The following CHCHD3 variants were observed in gnomAD, a reference collection of about 807,000 sequenced individuals.
The protein encoded by CHCHD3 is MICOS complex subunit MIC19.
In CHCHD3, 20 loss-of-function variants were observed where a neutral mutation model predicts 38.2. The ratio of observed to expected loss-of-function variants is 0.52; its 90% CI spans 0.37 to 0.76. The LOEUF is 0.76. CHCHD3 is among the 30% of genes least tolerant of loss of function. The pLI is 0.00. For missense variants in CHCHD3, 245 were observed against 279.2 expected, an observed-to-expected ratio of 0.88 and a Z score of 0.87; for synonymous variants, 82 against 100.0, an observed-to-expected ratio of 0.82 and a Z score of 1.07.
chr7:132,827,490 T>G (rs1308391212), intron 6 of CHCHD3, among the ~76,000 whole-genome samples: 1 of 152,222 alleles, frequency 6.6e-6, no homozygotes, highest in Admixed American at 6.5e-5. Flanking sequence ...ATTTTCAACT[T>G]GTGGCATCAT....
intron 4 of CHCHD3, among the ~76,000 whole-genome samples, chr7:132,923,861 T>G (rs544143664): frequency 6.6e-6 from 1 of 152,274 alleles, no homozygotes; most frequent in African/African-American, 2.4e-5. Flanking sequence ...TCAACTTGAT[T>G]TAGAGAAGGA....
chr7:133,004,150 C>T (rs577850853), intron 3 of CHCHD3, among the ~76,000 whole-genome samples: 4 of 152,186 alleles, frequency 2.6e-5, no homozygotes, highest in Admixed American at 2.0e-4. Flanking sequence ...TCAGTAGAGA[C>T]GGGGTTTCAC....
chr7:133,002,594 TA>T (rs992226453), intron 3 of CHCHD3, among the ~76,000 whole-genome samples: 91 of 145,442 alleles, frequency 6.3e-4, no homozygotes, highest in African/African-American at 1.3e-3. Flanking sequence ...TAAGCACTGT[TA>T]AAAAAAAAAA....
chr7:132,986,401 A>C (rs993129517), intron 3 of CHCHD3, among the ~76,000 whole-genome samples: 5 of 122,062 alleles, frequency 4.1e-5, no homozygotes, highest in Non-Finnish European at 8.6e-5. Context: ...ATCAATAAAA[A>C]AAAGAAAAAG....
chr7:133,001,783 C>T (rs1220427065), intron 3 of CHCHD3, among the ~76,000 whole-genome samples: 4 of 152,148 alleles, frequency 2.6e-5, no homozygotes, highest in Non-Finnish European at 5.9e-5. Flanking sequence ...ATTTTTAACA[C>T]TATACAACTA....
intron 4 of CHCHD3, among the ~76,000 whole-genome samples, chr7:132,909,993 T>C (rs532717527): frequency 2.6e-5 from 4 of 152,324 alleles, no homozygotes; most frequent in Admixed American, 2.6e-4. Context: ...GCATACACAC[T>C]TGACCCTTGA....
chr7:133,042,617 T>C (rs1216506828), intron 2 of CHCHD3, among the ~76,000 whole-genome samples: 1 of 152,156 alleles, frequency 6.6e-6, no homozygotes, highest in African/African-American at 2.4e-5. Flanking sequence ...CACATTTTCA[T>C]ACAATCACTC....
intron 6 of CHCHD3, among the ~76,000 whole-genome samples, chr7:132,811,533 C>T (rs1807069187): frequency 6.6e-6 from 1 of 152,220 alleles, no homozygotes; most frequent in Non-Finnish European, 1.5e-5. Context: ...TTTCTGCCTC[C>T]ACTTCCTTAC....
intron 5 of CHCHD3, among the ~76,000 whole-genome samples, chr7:132,839,152 A>AT (rs1324559371): frequency 6.6e-6 from 1 of 151,940 alleles, no homozygotes; most frequent in Non-Finnish European, 1.5e-5. Context: ...AGATGGAGCC[A>AT]TTGCACTCCA....
chr7:132,836,899 C>T (rs1807796576), intron 6 of CHCHD3, among the ~76,000 whole-genome samples: 1 of 152,200 alleles, frequency 6.6e-6, no homozygotes, highest in South Asian at 2.1e-4. Context: ...CTTCCCATGA[C>T]TCATTGCTCA....
chr7:132,800,910 G>C (rs1008633623), intron 6 of CHCHD3, among the ~76,000 whole-genome samples: 1 of 151,996 alleles, frequency 6.6e-6, no homozygotes, highest in Non-Finnish European at 1.5e-5. Context: ...GGGATCAGGT[G>C]GTCTCATAAA....
chr7:132,842,909 A>C (rs1209790366), intron 5 of CHCHD3, among the ~76,000 whole-genome samples: 1 of 152,166 alleles, frequency 6.6e-6, no homozygotes, highest in African/African-American at 2.4e-5. Context: ...CTTGCAGGAG[A>C]TACTTTGAGA....
At chr7:133,044,343 T>C (rs1813915968) in intron 2 of CHCHD3, among the ~76,000 whole-genome samples, 2 of 152,242 alleles carry the variant, frequency 1.3e-5, no homozygotes, top group South Asian at 2.1e-4. Context: ...AAGTTCCCAG[T>C]TGGGAATGGT....
At chr7:133,077,615 G>A (rs1421571797) in intron 1 of CHCHD3, among the ~76,000 whole-genome samples, 3 of 152,208 alleles carry the variant, frequency 2.0e-5, no homozygotes, top group African/African-American at 7.2e-5. Flanking sequence ...AGATAAACTT[G>A]CGAAAGATAG....
At chr7:132,830,350 G>A (rs1170304325) in intron 6 of CHCHD3, among the ~76,000 whole-genome samples, 2 of 152,132 alleles carry the variant, frequency 1.3e-5, no homozygotes, top group Non-Finnish European at 2.9e-5. Context: ...ACATATCCCC[G>A]ATGAGATACG....
chr7:132,814,694 C>T (rs1432790714), intron 6 of CHCHD3, among the ~76,000 whole-genome samples: 1 of 152,150 alleles, frequency 6.6e-6, no homozygotes, highest in East Asian at 1.9e-4. Flanking sequence ...GGATTGATTA[C>T]CATTCAGAAG....
chr7:132,807,606 AATATATATATATATATATATATATAT>A (rs55835343), intron 6 of CHCHD3, among the ~76,000 whole-genome samples: 2,389 of 108,956 alleles, frequency 0.022, 110 homozygotes, highest in African/African-American at 0.073. Context: ...CATACACATA[AATATATATATATATATATATATATAT>A]ATATATATAT....
intron 3 of CHCHD3, among the ~76,000 whole-genome samples, chr7:133,008,269 C>T (rs902267954): frequency 5.9e-5 from 9 of 151,896 alleles, no homozygotes; most frequent in Non-Finnish European, 7.4e-5. Flanking sequence ...CGACATTTTG[C>T]CATTAGTTAT....
At chr7:132,943,050 T>C (rs1810806929) in intron 4 of CHCHD3, among the ~76,000 whole-genome samples, 1 of 152,214 alleles carries the variant, frequency 6.6e-6, no homozygotes, top group African/African-American at 2.4e-5. Context: ...TCCTATTTTT[T>C]GTCTTAACTT....
Sources: allele counts gnomAD v4.1 joint callset (sites outside exome capture counted in the v4.1 genomes callset), GRCh38; gene constraint gnomAD v4.1.1; transcripts MANE v1.5; gene names NCBI Gene and HGNC (gene_info 2026-07-23, HGNC 2026-07-21).